Variants in EVA1C observed in about 807,000 individuals in gnomAD.
The protein encoded by EVA1C is eva-1 homolog C.
Under a neutral mutation model 45.4 loss-of-function variants are expected in EVA1C, and 25 were observed. The observed-to-expected ratio is 0.55, with a 90% CI of 0.40 to 0.77. The LOEUF is 0.77. Ranked by LOEUF, EVA1C falls within the 30% of genes least tolerant of loss-of-function variation. The pLI is 0.00. For synonymous variants in EVA1C, 190 were observed against 221.2 expected, an observed-to-expected ratio of 0.86 and a Z score of 1.25; for missense variants, 479 against 554.8, an observed-to-expected ratio of 0.86 and a Z score of 1.37.
intron 1 of EVA1C, chr21:32,428,259 G>C (rs1195612299): frequency 1.3e-5 from 2 of 152,110 alleles, no homozygotes; most frequent in Non-Finnish European, 2.9e-5. Flanking sequence ...CCTTCTTCCT[G>C]GTTTCCAGAA....
Position 32,474,761 on chromosome 21 carries a change from G to A in EVA1C, c.634+6913G>A, listed in dbSNP as rs867883165. On this transcript the variant is annotated intron_variant, in intron 4 of 7. Coordinates refer to ENST00000300255, the MANE Select transcript of EVA1C (RefSeq NM_058187.5). This position sits in a 1 kb window ranked among gnomAD's most constrained non-coding sequence, Gnocchi z 4.4. ...ACTCGGCTCCCGAGGATGGATAATC[G>A]TCTGGTTACAGACTGGGAATGTAGG... is the stretch of plus-strand genomic sequence containing the variant. Among the ~76,000 whole-genome samples, 3 of 152,220 alleles carry A rather than the reference G, an allele frequency of 2.0e-5. No homozygotes were observed. The highest frequency in any genetic ancestry group is 2.9e-5 in the Non-Finnish European group (2 of 68,040).
intron 1 of EVA1C, among the ~76,000 whole-genome samples, chr21:32,442,663 T>TTAA (rs2035219249): frequency 9.0e-6 from 1 of 111,280 alleles, no homozygotes; most frequent in Non-Finnish European, 2.0e-5. Context: ...TGGCAGGTTA[T>TTAA]AAAAAAAAAA....
intron 7 of EVA1C, among the ~76,000 whole-genome samples, chr21:32,509,050 A>G (rs901676794): frequency 6.6e-6 from 1 of 152,240 alleles, no homozygotes; most frequent in Non-Finnish European, 1.5e-5. Context: ...AAGTAGTCCA[A>G]GTGATTCTAG....
chr21:32,512,015 G>C (rs1028278975), intron 7 of EVA1C, among the ~76,000 whole-genome samples: 2 of 151,854 alleles, frequency 1.3e-5, no homozygotes, highest in Admixed American at 6.6e-5. Context: ...AAAACACCAA[G>C]TCTCCAACAC....
chr21:32,461,079 G>A (rs555711585), intron 3 of EVA1C, among the ~76,000 whole-genome samples: 1 of 152,290 alleles, frequency 6.6e-6, no homozygotes, highest in East Asian at 1.9e-4. Context: ...TAGGGGTTCA[G>A]TGGAGTCTTT....
At chr21:32,496,369 C>A (rs1024557973) in intron 5 of EVA1C, among the ~76,000 whole-genome samples, 18 of 152,278 alleles carry the variant, frequency 1.2e-4, no homozygotes, top group African/African-American at 4.3e-4. Flanking sequence ...TCCATTGCAT[C>A]CTTAGAATTT....
chr21:32,512,447 C>G (rs1441781142), intron 7 of EVA1C, among the ~76,000 whole-genome samples: 1 of 152,178 alleles, frequency 6.6e-6, no homozygotes, highest in Non-Finnish European at 1.5e-5. Flanking sequence ...CGTCCCCATT[C>G]GACTTCCTTC....
chr21:32,504,422 C>T (rs947551697), intron 7 of EVA1C, among the ~76,000 whole-genome samples: 1 of 152,288 alleles, frequency 6.6e-6, no homozygotes, highest in Non-Finnish European at 1.5e-5. Flanking sequence ...GAAGACAGAG[C>T]CACTTTCTGG....
At chr21:32,426,900 A>G (rs569089144) in intron 1 of EVA1C, among the ~76,000 whole-genome samples, 3 of 152,210 alleles carry the variant, frequency 2.0e-5, no homozygotes, top group Non-Finnish European at 4.4e-5. Context: ...ATGGGTGTGC[A>G]GTATTTGTAC....
intron 3 of EVA1C, among the ~76,000 whole-genome samples, chr21:32,463,863 A>G (rs1391636640): frequency 6.6e-6 from 1 of 152,142 alleles, no homozygotes; most frequent in East Asian, 1.9e-4. Context: ...GCCTTCTCCC[A>G]TCCTCTTTCT....
At chr21:32,495,576 C>G (rs1014534737) in intron 5 of EVA1C, among the ~76,000 whole-genome samples, 1 of 152,144 alleles carries the variant, frequency 6.6e-6, no homozygotes. Context: ...TGCTTTTAGG[C>G]CCTAAATGAC....
At chr21:32,414,333 G>T (rs2033954349) in intron 1 of EVA1C, among the ~76,000 whole-genome samples, 1 of 151,982 alleles carries the variant, frequency 6.6e-6, no homozygotes, top group South Asian at 2.1e-4. Context: ...GAACTTTCTT[G>T]GCTGCTAGAA....
chr21:32,455,740 T>C (rs2035755808), intron 2 of EVA1C, among the ~76,000 whole-genome samples: 3 of 152,160 alleles, frequency 2.0e-5, no homozygotes, highest in Admixed American at 1.3e-4. Flanking sequence ...CTCTGCCAGA[T>C]ACCCCTGAGG....
At chr21:32,424,453 T>C (rs1378560611) in intron 1 of EVA1C, among the ~76,000 whole-genome samples, 1 of 152,182 alleles carries the variant, frequency 6.6e-6, no homozygotes, top group African/African-American at 2.4e-5. Context: ...TTTTACAGTC[T>C]CTTTTTCATT....
intron 4 of EVA1C, among the ~76,000 whole-genome samples, chr21:32,471,038 C>T (rs1293784555): frequency 1.3e-5 from 2 of 152,070 alleles, no homozygotes; most frequent in East Asian, 1.9e-4. Context: ...GGATTACAGG[C>T]GTGAGCCACT....
intron 7 of EVA1C, among the ~76,000 whole-genome samples, chr21:32,508,913 C>T (rs1326289140): frequency 6.6e-6 from 1 of 152,224 alleles, no homozygotes; most frequent in African/African-American, 2.4e-5. Flanking sequence ...TTCACTCCAG[C>T]TGGGGATGAA....
intron 4 of EVA1C, among the ~76,000 whole-genome samples, chr21:32,481,359 C>T (rs2036777434): frequency 6.7e-6 from 1 of 149,750 alleles, no homozygotes; most frequent in Non-Finnish European, 1.5e-5. Flanking sequence ...TTTTAGGCCA[C>T]TTACATATAA....
intron 1 of EVA1C, among the ~76,000 whole-genome samples, chr21:32,427,153 G>A (rs533949865): frequency 1.1e-4 from 16 of 152,276 alleles, no homozygotes; most frequent in African/African-American, 3.6e-4. Context: ...AAAAACTGAA[G>A]CATCTTTTCC....
At chr21:32,424,787 A>T (rs1228446975) in intron 1 of EVA1C, among the ~76,000 whole-genome samples, 1 of 152,122 alleles carries the variant, frequency 6.6e-6, no homozygotes, top group South Asian at 2.1e-4. Flanking sequence ...GGTCCCTCTC[A>T]TCTGATTTCC....
Sources: allele counts gnomAD v4.1 joint callset (sites outside exome capture counted in the v4.1 genomes callset), GRCh38; gene constraint gnomAD v4.1.1; non-coding constraint Gnocchi (gnomAD v3.1); transcripts MANE v1.5; gene names NCBI Gene and HGNC (gene_info 2026-07-23, HGNC 2026-07-21).